Variants in APMAP observed in about 807,000 individuals in gnomAD.
APMAP encodes adipocyte plasma membrane-associated protein.
APMAP carries 33 observed loss-of-function variants against 43.6 expected under a neutral mutation model. That is an observed-to-expected ratio of 0.76 (90% confidence interval 0.57 to 1.01). The LOEUF is 1.01. Among genes scored for constraint, APMAP ranks in the 50% least tolerant of loss-of-function variants. APMAP has a pLI of 0.00. For missense variants in APMAP, 498 were observed against 540.7 expected (o/e 0.92, Z 0.78); for synonymous variants, 224 against 216.7 (o/e 1.03, Z -0.30).
Position 24,968,986 on chromosome 20 carries a change from T to G in APMAP, c.947A>C (p.Tyr316Ser), listed in dbSNP as rs779334544. 1 of 1,613,850 alleles carries G rather than the reference T, an allele frequency of 6.2e-7. No homozygotes were observed. ...DNIRPSSSGG[Y>S]WVGMSTIRPN... The stretch of plus-strand genomic sequence containing the variant: ...GCGGATGGTCGACATGCCCACCCAG[T>G]ACCCCCCAGAGCTGCTGGGCCGGAT... Residue 316 changes from tyrosine (Y) to serine (S), a missense_variant, in exon 8 of 9, where the codon TAC (tyrosine) becomes TCC (serine). By Grantham distance (144) the Tyr-to-Ser change is moderately radical. Coordinates refer to ENST00000217456, the MANE Select transcript of APMAP (RefSeq NM_020531.3).
At chr20:24,965,465 G>T (rs186298786) in intron 8 of APMAP, among the ~76,000 whole-genome samples, 327 of 152,354 alleles carry the variant, frequency 2.1e-3, no homozygotes, top group African/African-American at 7.6e-3. Context: ...ATGTGTGCAG[G>T]GGATGGCAGA....
intron 1 of APMAP, among the ~76,000 whole-genome samples, chr20:24,986,088 G>T (rs1054472592): frequency 5.9e-5 from 9 of 152,230 alleles, no homozygotes; most frequent in Admixed American, 3.9e-4. Flanking sequence ...TTCTCCTGCT[G>T]CTTCCTCCTC....
intron 2 of APMAP, among the ~76,000 whole-genome samples, chr20:24,980,115 ATTTC>A (rs2088089286): frequency 6.6e-6 from 1 of 152,128 alleles, no homozygotes; most frequent in Admixed American, 6.5e-5. Context: ...GAGATCAGGG[ATTTC>A]TTTCTGTGTT....
intron 8 of APMAP, among the ~76,000 whole-genome samples, chr20:24,967,931 G>A (rs1322419814): frequency 2.0e-5 from 3 of 152,246 alleles, no homozygotes; most frequent in African/African-American, 4.8e-5. Flanking sequence ...TGAAGGCCGT[G>A]AGCCAGTCTA....
Position 24,969,022 on chromosome 20 carries a change from A to C in APMAP, c.911T>G (p.Phe304Cys). 1 of 1,613,924 alleles carries C rather than the reference A, an allele frequency of 6.2e-7. No homozygotes were observed. Among genetic ancestry groups the C allele is most frequent in the Non-Finnish European group, 8.5e-7 (1 of 1,179,948 alleles). The change falls in exon 8 of 9, where the codon TTT becomes TGT. Residue 304 changes from phenylalanine (F) to cysteine (C), a missense_variant. By Grantham distance (205) the Phe-to-Cys change is radical. Transcript: ENST00000217456. ...ADLFVENMPG[F>C]PDNIRPSSSG... is the part of the protein sequence containing the mutation. Reference sequence around the variant, plus strand: ...GCTGCTGGGCCGGATGTTGTCTGGAAATCCAGGCATGTTCTCCACAAACAG... The same window carrying C: ...GCTGCTGGGCCGGATGTTGTCTGGACATCCAGGCATGTTCTCCACAAACAG...
chr20:24,969,183 A>G (rs2087975480), intron 7 of APMAP, 99 bp from the exon 8 acceptor site: 7 of 1,191,998 alleles, frequency 5.9e-6, no homozygotes, highest in African/African-American at 4.7e-5. Flanking sequence ...AAATATATAT[A>G]TGGAAAGTGC....
intron 8 of APMAP, among the ~76,000 whole-genome samples, chr20:24,968,198 T>C (rs1600280167): frequency 6.6e-6 from 1 of 152,138 alleles, no homozygotes; most frequent in Admixed American, 6.5e-5. Context: ...TTATGTGGGG[T>C]GCTTCATGGA....
rs568194679 is a variant in APMAP at position 24,965,675 on chromosome 20, C to T, written c.1042-1653G>A. ...GGTGCAGGGATCACAGCCCTTGAGG[C>T]GAAAGGCAGCCTCCAGCACATGGTC... is the stretch of plus-strand genomic sequence containing the variant. On this transcript the variant is annotated intron_variant, in intron 8 of 8. Transcript: ENST00000217456. Among the ~76,000 whole-genome samples, 6 of 152,310 alleles carry T rather than the reference C, an allele frequency of 3.9e-5. No individual in the cohort carries two copies. In the East Asian group the frequency reaches 1.2e-3, roughly 29 times the overall value.
At chr20:24,977,903 CA>C (rs933953303) in intron 3 of APMAP, among the ~76,000 whole-genome samples, 65 of 152,280 alleles carry the variant, frequency 4.3e-4, no homozygotes, top group African/African-American at 1.5e-3. Context: ...GCCAAGAAAA[CA>C]AACCAACTGC....
Position 24,971,511 on chromosome 20 carries a change from G to C in APMAP, c.487C>G (p.Leu163Val), listed in dbSNP as rs78661674. 1.2e-5 allele frequency: 20 copies of C among 1,614,078 alleles called. No individual in the cohort carries two copies. Among genetic ancestry groups the C allele is most frequent in the Non-Finnish European group, 1.6e-5 (19 of 1,180,026 alleles). Reference sequence around the variant, plus strand: ...CCCTTGTATGCATCGGCCACAAAGAGAGTCCCATTGGGCCCTGCACGGATA... The same window carrying C: ...CCCTTGTATGCATCGGCCACAAAGACAGTCCCATTGGGCCCTGCACGGATA... ...LGIRAGPNGTLFVADAYKGLF... is the reference protein window; with the variant it reads ...LGIRAGPNGTVFVADAYKGLF... Residue 163 changes from leucine (L) to valine (V), a missense_variant, in exon 5 of 9, where the codon CTC (leucine) becomes GTC (valine). Coordinates refer to ENST00000217456, the MANE Select transcript of APMAP (RefSeq NM_020531.3).
At chr20:24,985,681 G>T (rs2088141159) in intron 1 of APMAP, among the ~76,000 whole-genome samples, 1 of 152,192 alleles carries the variant, frequency 6.6e-6, no homozygotes, top group South Asian at 2.1e-4. Context: ...AAATGTGGAA[G>T]TAGCTTTGGA....
intron 6 of APMAP, 99 bp from the exon 7 acceptor site, chr20:24,969,759 C>A (rs2087982729): frequency 1.4e-6 from 2 of 1,453,362 alleles, no homozygotes; most frequent in East Asian, 4.7e-5. Flanking sequence ...CCGCCTCACC[C>A]CGGAGCAACA....
At chr20:24,974,994 C>T (rs897905863) in intron 3 of APMAP, among the ~76,000 whole-genome samples, 18 of 152,156 alleles carry the variant, frequency 1.2e-4, no homozygotes, top group African/African-American at 3.4e-4. Flanking sequence ...TGATTAAAAA[C>T]TCTCAGCAAG....
Position 24,969,484 on chromosome 20 carries a change from G to A in APMAP, c.848+42C>T, listed in dbSNP as rs754938693. 24 of 1,575,594 alleles carry A rather than the reference G, an allele frequency of 1.5e-5. No homozygotes were observed. In the Middle Eastern group the frequency reaches 6.1e-4, roughly 40 times the overall value. ...GCCCACCCCACCCCGGCCATGATGC[G>A]CTCTGGCCAGTAACTGATGGCTCAG... On this transcript the variant is annotated intron_variant, in intron 7 of 8. Transcript: ENST00000217456.
intron 2 of APMAP, 26 bp downstream of exon 2, chr20:24,983,877 C>A: frequency 6.6e-7 from 1 of 1,524,446 alleles, no homozygotes; most frequent in Non-Finnish European, 9.1e-7. Flanking sequence ...CAAGCAACCC[C>A]TCCTGAGGAC....
intron 2 of APMAP, among the ~76,000 whole-genome samples, chr20:24,979,765 C>A (rs1261308759): frequency 2.6e-5 from 4 of 152,118 alleles, no homozygotes; most frequent in Non-Finnish European, 5.9e-5. Flanking sequence ...CTGGCAGCAG[C>A]CTCTGAGCAC....
intron 3 of APMAP, 29 bp downstream of exon 3, chr20:24,978,738 G>GCCCCCC (rs754035209): frequency 2.3e-5 from 30 of 1,310,734 alleles, no homozygotes; most frequent in South Asian, 6.0e-5. Flanking sequence ...AGCCTGGAAG[G>GCCCCCC]CTCCCCCCCC....
chr20:24,969,066 C>G lies in APMAP; in HGVS notation c.867G>C (p.Leu289=). ...ARIRRVYVSG[L]MKGGADLFVE... ...CAAACAGATCAGCCCCGCCCTTCAT[C>G]AGGCCAGAAACGTAGACTCTGAAAA... Residue 289 remains leucine, a synonymous_variant, in exon 8 of 9, where the codon CTG becomes CTC. Transcript: ENST00000217456. 6.2e-7 allele frequency: 1 copy of G among 1,607,954 alleles called. No homozygotes were observed. Among genetic ancestry groups the G allele is most frequent in the Non-Finnish European group, 8.5e-7 (1 of 1,177,424 alleles).
At chr20:24,967,794 C>A (rs1265789072) in intron 8 of APMAP, among the ~76,000 whole-genome samples, 2 of 152,196 alleles carry the variant, frequency 1.3e-5, no homozygotes, top group African/African-American at 2.4e-5. Context: ...AGCCCACCTG[C>A]CATTTTGCCT....
Sources: allele counts gnomAD v4.1 joint callset (sites outside exome capture counted in the v4.1 genomes callset), GRCh38; gene constraint gnomAD v4.1.1; transcripts MANE v1.5; gene names NCBI Gene and HGNC (gene_info 2026-07-23, HGNC 2026-07-21).